ABI3BP: variants seen among roughly 807,000 people sequenced by gnomAD.
The protein encoded by ABI3BP is target of Nesh-SH3.
ABI3BP carries 216 observed loss-of-function variants against 268.6 expected under a neutral mutation model. The observed-to-expected ratio is 0.80, with a 90% confidence interval of 0.72 to 0.90. ABI3BP has a LOEUF of 0.90. Among genes scored for constraint, ABI3BP ranks in the 40% least tolerant of loss-of-function variants. ABI3BP has a pLI of 0.00. For missense variants in ABI3BP, 2,090 were observed against 2,182.4 expected (o/e 0.96, Z 0.84); for synonymous variants, 730 against 730.0 (o/e 1.00, Z 0.00).
chr3:100,844,517 C>T (rs1472318699), intron 20 of ABI3BP: 30 of 948,232 alleles, frequency 3.2e-5, no homozygotes, highest in South Asian at 4.9e-5. Flanking sequence ...GAAGAGTGTG[C>T]GGAGAGGGCT....
At chr3:100,818,485 G>A (rs927458815) in intron 41 of ABI3BP, 40 bp downstream of exon 41, 2 of 1,477,620 alleles carry the variant, frequency 1.4e-6, no homozygotes, top group Non-Finnish European at 1.8e-6. Context: ...ATGACAATAA[G>A]CAGGAAAAGC....
chr3:100,749,474 G>C lies in ABI3BP; in HGVS notation c.*1021C>G, dbSNP rs901251712. On this transcript the variant is annotated 3_prime_UTR_variant, in exon 68 of 68. Coordinates refer to ENST00000471714, the MANE Select transcript of ABI3BP (RefSeq NM_001375547.2). ...CAGAATGACTGCAACAGTGCAGCAA[G>C]GATTCCCATTCCCCGCCTAAAGGAC... 1 of 394,408 alleles carries C rather than the reference G, an allele frequency of 2.5e-6. No homozygotes were observed. The allele number at this position is 394,408 out of a possible 1,614,324, so 24.4% of individuals were successfully genotyped here.
rs561967486 is a variant in ABI3BP, at chr3:100,750,721, G to A, written c.5246-111C>T. The A allele has an allele frequency of 5.2e-4, 364 of 698,824 alleles. 3 individuals carry two copies. Among genetic ancestry groups the A allele is most frequent in the African/African-American group, 5.5e-5 (3 of 55,004 alleles). 43.3% of individuals were successfully genotyped at this position (698,824 alleles called of 1,614,324 possible). On this transcript the variant is annotated intron_variant, in intron 67 of 67. Coordinates refer to ENST00000471714, the MANE Select transcript of ABI3BP (RefSeq NM_001375547.2). Reference sequence around the variant, plus strand: ...AGCTGAAGGCTAATCTTAGTGAAGCGAGGTAATTTAGAAAACTGAGAGCAA... The same window carrying A: ...AGCTGAAGGCTAATCTTAGTGAAGCAAGGTAATTTAGAAAACTGAGAGCAA...
At chr3:100,894,944 A>C (rs1561383373) in intron 4 of ABI3BP, among the ~76,000 whole-genome samples, 4 of 104,278 alleles carry the variant, frequency 3.8e-5, no homozygotes, top group African/African-American at 1.3e-4. Context: ...GCTTCAAAAA[A>C]AAAAAAAAAA....
At chr3:100,926,252 C>T in intron 2 of ABI3BP, 50 bp downstream of exon 2, 1 of 1,584,216 alleles carries the variant, frequency 6.3e-7, no homozygotes, top group Non-Finnish European at 8.7e-7. Flanking sequence ...TGTTACACCC[C>T]CCCACCTCTT....
At chr3:100,752,995 G>C (rs770434364) in intron 65 of ABI3BP, 47 bp from the exon 66 acceptor site, 1 of 1,522,146 alleles carries the variant, frequency 6.6e-7, no homozygotes, top group South Asian at 1.3e-5. Flanking sequence ...TCTTGGGTCA[G>C]ATACTTCAAG....
chr3:100,851,868 G>GAT lies in ABI3BP; in HGVS notation c.1351+5_1351+6dup. On this transcript the variant is annotated splice_region_variant and intron_variant, in intron 15 of 67. Coordinates refer to ENST00000471714, the MANE Select transcript of ABI3BP (RefSeq NM_001375547.2). ...ATCCAAAGACAGAATTGAGAGGCCA[G>GAT]ATATACCTGTGTAGGAATCTGATAT... The GAT allele has an allele frequency of 1.3e-6, 2 of 1,585,478 alleles. No homozygotes were observed. The highest frequency in any genetic ancestry group is 1.7e-6 in the Non-Finnish European group (2 of 1,166,614).
chr3:100,959,639 C>T lies in ABI3BP; in HGVS notation c.80-33158G>A, dbSNP rs2078232673. The stretch of plus-strand genomic sequence containing the variant: ...GGAGCATTTAAAGGTTGGAGAAAAA[C>T]CTTCTTTTGGTTGTAGGCTCAAAGG... On this transcript the variant is annotated intron_variant, in intron 1 of 67. Transcript: ENST00000471714. Among the ~76,000 whole-genome samples the T allele has an allele frequency of 2.0e-5, 3 of 151,898 alleles. No individual in the cohort carries two copies. The South Asian group carries it at 6.2e-4, about 31-fold the overall frequency.
At chr3:100,985,757 A>T (rs2091554174) in intron 1 of ABI3BP, among the ~76,000 whole-genome samples, 1 of 152,308 alleles carries the variant, frequency 6.6e-6, no homozygotes. Context: ...ATTCTCAGAG[A>T]TTTCTTATAA....
intron 9 of ABI3BP, among the ~76,000 whole-genome samples, chr3:100,872,204 A>G (rs989608313): frequency 2.0e-5 from 3 of 151,872 alleles, no homozygotes; most frequent in African/African-American, 4.8e-5. Context: ...CATACTTACT[A>G]TTTTCATAGT....
At chr3:100,829,819 T>C (rs2152779686) in intron 32 of ABI3BP, among the ~76,000 whole-genome samples, 155 bp from the exon 33 acceptor site, 1 of 152,142 alleles carries the variant, frequency 6.6e-6, no homozygotes, top group Admixed American at 6.6e-5. Context: ...TTTTATCATG[T>C]AGCTTTTTCT....
At chr3:100,767,003 T>C (rs1283081110) in intron 62 of ABI3BP, among the ~76,000 whole-genome samples, 5 of 152,136 alleles carry the variant, frequency 3.3e-5, no homozygotes, top group African/African-American at 1.2e-4. Flanking sequence ...CCAATTCATA[T>C]TTGGGGGAGG....
chr3:100,993,164 C>A, intron 1 of ABI3BP, 142 bp downstream of exon 1: 13 of 552,516 alleles, frequency 2.4e-5, no homozygotes, highest in East Asian at 3.2e-5. Flanking sequence ...TTTAAGAGAC[C>A]CCTTCACACA....
At chr3:100,815,722 A>C (rs17337991) in intron 44 of ABI3BP, among the ~76,000 whole-genome samples, 190 bp downstream of exon 44, 21,452 of 152,096 alleles carry the variant, frequency 0.14, 1,963 homozygotes, top group South Asian at 0.27. Flanking sequence ...GCTGTCCTTC[A>C]CTGGGTCCAG....
Position 100,804,413 on chromosome 3 carries a change from T to C in ABI3BP, c.3757+379A>G, listed in dbSNP as rs560385249. Among the ~76,000 whole-genome samples, 2 of 152,312 alleles carry C rather than the reference T, an allele frequency of 1.3e-5. 1 individual carries two copies. The highest frequency in any genetic ancestry group is 4.1e-4 in the South Asian group (2 of 4,828). Reference sequence around the variant, plus strand: ...TATCCAAGTAAATGGCTAAACATCATTGCCTCCATTTGTAAAAACACTAAT... The same window carrying C: ...TATCCAAGTAAATGGCTAAACATCACTGCCTCCATTTGTAAAAACACTAAT... On this transcript the variant is annotated intron_variant, in intron 51 of 67. Coordinates refer to ENST00000471714, the MANE Select transcript of ABI3BP (RefSeq NM_001375547.2).
intron 1 of ABI3BP, among the ~76,000 whole-genome samples, chr3:100,948,873 T>C (rs1186189540): frequency 1.3e-5 from 2 of 152,222 alleles, no homozygotes; most frequent in East Asian, 3.9e-4. Flanking sequence ...GAGCATTTCC[T>C]TTGAGCATTT....
intron 9 of ABI3BP, among the ~76,000 whole-genome samples, chr3:100,867,385 T>C (rs1401983379): frequency 6.6e-6 from 1 of 152,206 alleles, no homozygotes; most frequent in Middle Eastern, 3.4e-3. Context: ...CTCATGCTTG[T>C]AATCCCAGCA....
In ABI3BP at chr3:100,829,644, T is replaced by G; in HGVS notation, c.2479A>C (p.Thr827Pro). The G allele has an allele frequency of 6.5e-7, 1 of 1,535,570 alleles. No homozygotes were observed. Among genetic ancestry groups the G allele is most frequent in the Non-Finnish European group, 8.7e-7 (1 of 1,146,424 alleles). Residue 827 changes from threonine to proline, a missense_variant, in exon 33 of 68, where the codon ACT (threonine) becomes CCT (proline). Coordinates refer to ENST00000471714, the MANE Select transcript of ABI3BP (RefSeq NM_001375547.2). ...TTAAPKVPQR[T>P]HRPHPKPKTT... is the part of the protein sequence containing the mutation. ...TTAGGTTTGGGATGTGGACGATGAG[T>G]TCGTTGAGGCACTTTGGGAGCTAAA...
intron 3 of ABI3BP, among the ~76,000 whole-genome samples, chr3:100,901,873 G>A (rs1269568250): frequency 6.6e-6 from 1 of 152,096 alleles, no homozygotes; most frequent in East Asian, 1.9e-4. Flanking sequence ...CTTCCTTATA[G>A]CAATGGTCAG....
Sources: allele counts gnomAD v4.1 joint callset (sites outside exome capture counted in the v4.1 genomes callset), GRCh38; gene constraint gnomAD v4.1.1; transcripts MANE v1.5; gene names NCBI Gene and HGNC (gene_info 2026-07-23, HGNC 2026-07-21).